PTPRT: variants seen among roughly 807,000 people sequenced by gnomAD.
The protein encoded by PTPRT is protein tyrosine phosphatase receptor type T.
PTPRT carries 56 observed loss-of-function variants against 176.8 expected under a neutral mutation model. The ratio of observed to expected loss-of-function variants is 0.32; its 90% CI spans 0.26 to 0.40. The LOEUF (loss-of-function observed/expected upper bound fraction) is 0.40. Among genes scored for constraint, PTPRT ranks in the 10% least tolerant of loss-of-function variants. The pLI is 1.00. For synonymous variants in PTPRT, 783 were observed against 739.0 expected, an observed-to-expected ratio of 1.06 and a Z score of -0.96; for missense variants, 1,540 against 1,908.2, an observed-to-expected ratio of 0.81 and a Z score of 3.60.
chr20:43,151,005 G>A (rs2014331357), intron 1 of PTPRT, among the ~76,000 whole-genome samples: 1 of 152,012 alleles, frequency 6.6e-6, no homozygotes, highest in Non-Finnish European at 1.5e-5. Context: ...ACTTCAGTGT[G>A]GTAAAAAATG....
At chr20:42,493,913 C>A (rs951547730) in intron 7 of PTPRT, among the ~76,000 whole-genome samples, 4 of 151,422 alleles carry the variant, frequency 2.6e-5, no homozygotes, top group Admixed American at 2.6e-4. Flanking sequence ...TCTTCATACC[C>A]CTCCATTTAA....
chr20:42,134,942 A>C (rs915956295), intron 18 of PTPRT, among the ~76,000 whole-genome samples: 6 of 152,210 alleles, frequency 3.9e-5, no homozygotes, highest in Non-Finnish European at 8.8e-5. Context: ...TCAGTTGCTC[A>C]AATGCACTGT....
intron 12 of PTPRT, among the ~76,000 whole-genome samples, chr20:42,296,879 C>T (rs2145290284): frequency 6.6e-6 from 1 of 152,160 alleles, no homozygotes; most frequent in South Asian, 2.1e-4. Flanking sequence ...ACCCCATTCT[C>T]AATGATGTAC....
Position 42,085,817 on chromosome 20 carries a change from A to T in PTPRT, c.3883T>A (p.Cys1295Ser), listed in dbSNP as rs61740451. ...MQYWPEKTSG[C>S]YGPIQVEFVS... is the part of the protein sequence containing the mutation. ...AACTCCACCTGGATGGGCCCATAGC[A>T]CCCGGAGGTCTTCTCAGGCCAGTAC... Residue 1295 changes from cysteine (C) to serine (S), a missense_variant, in exon 28 of 31, where the codon TGC becomes AGC. By Grantham distance (112) the Cys-to-Ser change is moderately radical. Transcript: ENST00000373187. 459 of 1,613,620 alleles carry T rather than the reference A, an allele frequency of 2.8e-4. 3 individuals are homozygous for T. The African/African-American group carries it at 5.5e-3, about 19-fold the overall frequency.
At chr20:42,441,733 T>C (rs2145834420) in intron 9 of PTPRT, among the ~76,000 whole-genome samples, 1 of 152,290 alleles carries the variant, frequency 6.6e-6, no homozygotes, top group African/African-American at 2.4e-5. Context: ...TCAAACTTTC[T>C]GGCGGATTAG....
At chr20:42,855,814 T>G (rs1400096857) in intron 2 of PTPRT, among the ~76,000 whole-genome samples, 2 of 152,168 alleles carry the variant, frequency 1.3e-5, no homozygotes, top group South Asian at 2.1e-4. Flanking sequence ...ATGATATAGC[T>G]CCTAATTTGA....
intron 7 of PTPRT, among the ~76,000 whole-genome samples, chr20:42,547,330 A>C (rs6030317): frequency 0.37 from 56,333 of 151,916 alleles, 10,504 homozygotes; most frequent in Admixed American, 0.41. Context: ...CTTGTAAGTT[A>C]TCTCTTTCCT....
chr20:43,083,335 T>TATACATATATATATATATATATATAC (rs2011499357), intron 1 of PTPRT, among the ~76,000 whole-genome samples: 1 of 106,830 alleles, frequency 9.4e-6, no homozygotes, highest in Non-Finnish European at 1.9e-5. Flanking sequence ...TATATATATA[T>TATACATATATATATATATATATATAC]ATATATATAT....
intron 7 of PTPRT, among the ~76,000 whole-genome samples, chr20:42,534,883 A>T (rs1195545642): frequency 6.6e-6 from 1 of 152,184 alleles, no homozygotes; most frequent in Admixed American, 6.5e-5. Context: ...TAAAAGCAGC[A>T]TATCAACAAT....
At chr20:42,752,697 G>A (rs537595584) in intron 6 of PTPRT, among the ~76,000 whole-genome samples, 1 of 152,284 alleles carries the variant, frequency 6.6e-6, no homozygotes, top group South Asian at 2.1e-4. Context: ...GAGGATTAAT[G>A]CTTTTCCCTT....
At chr20:42,353,131 A>G (rs184423163) in intron 9 of PTPRT, among the ~76,000 whole-genome samples, 133 of 152,300 alleles carry the variant, frequency 8.7e-4, no homozygotes, top group Admixed American at 4.9e-3. Flanking sequence ...ACTGCTTTTC[A>G]TAAGTGCAGT....
At chr20:42,551,020 T>C (rs778158929) in intron 7 of PTPRT, among the ~76,000 whole-genome samples, 1 of 152,178 alleles carries the variant, frequency 6.6e-6, no homozygotes, top group Non-Finnish European at 1.5e-5. Context: ...AACCTCTCTA[T>C]GCTTCAGGGG....
At chr20:42,709,740 C>T (rs2146195158) in intron 6 of PTPRT, among the ~76,000 whole-genome samples, 1 of 152,094 alleles carries the variant, frequency 6.6e-6, no homozygotes, top group East Asian at 1.9e-4. Flanking sequence ...TTGGAGATTT[C>T]AGAAAAAGAG....
intron 9 of PTPRT, among the ~76,000 whole-genome samples, chr20:42,363,286 ATATATATATATATATTTTTTTTTTT>A (rs2058460509): frequency 3.4e-5 from 1 of 29,324 alleles, no homozygotes; most frequent in Non-Finnish European, 6.0e-5. Context: ...ATATATATAT[ATATATATATATATATTTTTTTTTTT>A]TTTTTTTTTT....
At chr20:42,709,359 T>A (rs2146193991) in intron 6 of PTPRT, among the ~76,000 whole-genome samples, 1 of 152,326 alleles carries the variant, frequency 6.6e-6, no homozygotes, top group African/African-American at 2.4e-5. Flanking sequence ...AATGGCTTGA[T>A]GGCCTCCTTG....
intron 7 of PTPRT, among the ~76,000 whole-genome samples, chr20:42,514,066 T>A (rs997321786): frequency 4.6e-5 from 7 of 152,234 alleles, no homozygotes; most frequent in Admixed American, 2.0e-4. Flanking sequence ...TATCAATTTT[T>A]AGCTTGTACA....
chr20:42,828,719 A>G (rs6030504), intron 2 of PTPRT, among the ~76,000 whole-genome samples: 14,893 of 152,238 alleles, frequency 0.098, 795 homozygotes, highest in African/African-American at 0.14. Flanking sequence ...CCTGTGCCCT[A>G]GCAGCTTCCA....
intron 1 of PTPRT, among the ~76,000 whole-genome samples, chr20:43,089,066 T>C (rs1247371088): frequency 6.6e-6 from 1 of 152,196 alleles, no homozygotes; most frequent in African/African-American, 2.4e-5. Flanking sequence ...CTGTTATTAA[T>C]TGAAAGCTTA....
At chr20:42,975,022 A>G (rs1380288831) in intron 1 of PTPRT, among the ~76,000 whole-genome samples, 1 of 152,250 alleles carries the variant, frequency 6.6e-6, no homozygotes, top group African/African-American at 2.4e-5. Flanking sequence ...CATCACAGAC[A>G]TTGAATAAAA....
Sources: allele counts gnomAD v4.1 joint callset (sites outside exome capture counted in the v4.1 genomes callset), GRCh38; gene constraint gnomAD v4.1.1; transcripts MANE v1.5; gene names NCBI Gene and HGNC (gene_info 2026-07-23, HGNC 2026-07-21).